The following UBE2E2 variants were observed in gnomAD, a reference collection of about 807,000 sequenced individuals.
The protein encoded by UBE2E2 is ubiquitin-conjugating enzyme E2 E2.
Under a neutral mutation model 24.7 loss-of-function variants are expected in UBE2E2, and 6 were observed. That is an observed-to-expected ratio of 0.24 (90% CI 0.13 to 0.48). The LOEUF is 0.48. Ranked by LOEUF, UBE2E2 falls within the 20% of genes least tolerant of loss-of-function variation. The pLI is 0.99. For synonymous variants in UBE2E2, 104 were observed against 83.6 expected (o/e 1.24, Z -1.33); for missense variants, 169 against 245.0 (o/e 0.69, Z 2.07).
chr3:23,428,746 G>A (rs1275689257), intron 3 of UBE2E2, among the ~76,000 whole-genome samples: 1 of 152,048 alleles, frequency 6.6e-6, no homozygotes, highest in South Asian at 2.1e-4. Flanking sequence ...GGCAGAAGCA[G>A]GAGGATTGTT....
At chr3:23,448,989 A>T (rs1454910254) in intron 3 of UBE2E2, among the ~76,000 whole-genome samples, 1 of 152,238 alleles carries the variant, frequency 6.6e-6, no homozygotes, top group Non-Finnish European at 1.5e-5. Context: ...GCTTTTAGAA[A>T]TGTAATATCC....
At chr3:23,216,483 A>G (rs549231730) in intron 2 of UBE2E2, among the ~76,000 whole-genome samples, 1 of 152,282 alleles carries the variant, frequency 6.6e-6, no homozygotes, top group East Asian at 1.9e-4. Flanking sequence ...AAGGAGAAGA[A>G]ACGGTTTTGA....
At chr3:23,579,886 A>T (rs1020986608) in intron 5 of UBE2E2, among the ~76,000 whole-genome samples, 1 of 152,178 alleles carries the variant, frequency 6.6e-6, no homozygotes, top group South Asian at 2.1e-4. Flanking sequence ...AGAGTTTTGA[A>T]CAAGTTGATT....
intron 3 of UBE2E2, among the ~76,000 whole-genome samples, chr3:23,224,911 G>A (rs957457678): frequency 6.7e-6 from 1 of 149,910 alleles, no homozygotes; most frequent in African/African-American, 2.5e-5. Context: ...TGCCAGCAGT[G>A]TATGAGGGCC....
chr3:23,372,090 C>T (rs1252796722), intron 3 of UBE2E2, among the ~76,000 whole-genome samples: 2 of 152,022 alleles, frequency 1.3e-5, no homozygotes, highest in African/African-American at 4.8e-5. Context: ...TGCACTCCAG[C>T]CTGGGTTACG....
At chr3:23,439,559 A>G (rs56841166) in intron 3 of UBE2E2, among the ~76,000 whole-genome samples, 134 of 152,348 alleles carry the variant, frequency 8.8e-4, no homozygotes, top group African/African-American at 2.9e-3. Flanking sequence ...CAAAGAGATT[A>G]TGAGAGAGAA....
intron 3 of UBE2E2, among the ~76,000 whole-genome samples, chr3:23,381,920 G>A (rs983260855): frequency 6.6e-6 from 1 of 152,154 alleles, no homozygotes; most frequent in African/African-American, 2.4e-5. Flanking sequence ...GTGGGAGGCG[G>A]AATGGCTGCT....
chr3:23,290,233 G>C (rs1180109157), intron 3 of UBE2E2, among the ~76,000 whole-genome samples: 1 of 152,214 alleles, frequency 6.6e-6, no homozygotes, highest in Non-Finnish European at 1.5e-5. Context: ...TACCTTGTTA[G>C]GTCAGTAAAG....
At chr3:23,566,626 A>T (rs529397140) in intron 5 of UBE2E2, among the ~76,000 whole-genome samples, 26 of 152,290 alleles carry the variant, frequency 1.7e-4, no homozygotes, top group Non-Finnish European at 3.8e-4. Flanking sequence ...GGCAAGTCAC[A>T]TGGTGAGAGA....
intron 3 of UBE2E2, among the ~76,000 whole-genome samples, chr3:23,260,748 GC>G (rs1345741937): frequency 6.6e-6 from 1 of 152,134 alleles, no homozygotes; most frequent in African/African-American, 2.4e-5. Flanking sequence ...AGCTGTGTTT[GC>G]ACCTTGGCAG....
chr3:23,512,182 C>T (rs899254524), intron 4 of UBE2E2, among the ~76,000 whole-genome samples: 12 of 145,784 alleles, frequency 8.2e-5, no homozygotes, highest in African/African-American at 1.8e-4. Flanking sequence ...GCCTTTCTTT[C>T]CTGCCTGCCT....
At chr3:23,446,700 T>TTTG (rs949703646) in intron 3 of UBE2E2, among the ~76,000 whole-genome samples, 1 of 30,444 alleles carries the variant, frequency 3.3e-5, no homozygotes, top group African/African-American at 3.2e-4. Context: ...GTCTGTTTGG[T>TTTG]TTTTTTTTTT....
intron 3 of UBE2E2, among the ~76,000 whole-genome samples, chr3:23,223,950 G>A (rs1437257300): frequency 3.3e-5 from 5 of 152,062 alleles, no homozygotes; most frequent in Admixed American, 3.3e-4. Flanking sequence ...AAGATAAGGT[G>A]GCTGTAAATG....
At chr3:23,308,384 T>G (rs1187204728) in intron 3 of UBE2E2, among the ~76,000 whole-genome samples, 2 of 152,196 alleles carry the variant, frequency 1.3e-5, no homozygotes, top group African/African-American at 4.8e-5. Flanking sequence ...ATCATTATCC[T>G]TCATTGCGAA....
At chr3:23,494,360 G>A (rs1373847587) in intron 3 of UBE2E2, among the ~76,000 whole-genome samples, 1 of 152,052 alleles carries the variant, frequency 6.6e-6, no homozygotes, top group Non-Finnish European at 1.5e-5. Flanking sequence ...ACATGTAGTT[G>A]TTCATTAATA....
Position 23,281,555 on chromosome 3 carries a change from C to A in UBE2E2, c.227+64243C>A, listed in dbSNP as rs111911351. On this transcript the variant is annotated intron_variant, in intron 3 of 5. Coordinates refer to ENST00000396703, the MANE Select transcript of UBE2E2 (RefSeq NM_152653.4). ...TGAGAGGCTGAGGTGGGAGGATTGC[C>A]TGAGCCCAGGAGTTGTAGGCTGCAG... is the stretch of plus-strand genomic sequence containing the variant. Among the ~76,000 whole-genome samples the A allele has an allele frequency of 3.6e-3, 543 of 152,260 alleles. 3 individuals carry two copies. Among genetic ancestry groups the A allele is most frequent in the Middle Eastern group, 0.014 (4 of 294 alleles).
At chr3:23,588,915 G>A (rs1026063760) in intron 5 of UBE2E2, among the ~76,000 whole-genome samples, 8 of 152,108 alleles carry the variant, frequency 5.3e-5, no homozygotes, top group African/African-American at 1.9e-4. Context: ...ACCAAATTTT[G>A]AGGAAGAAGT....
intron 3 of UBE2E2, among the ~76,000 whole-genome samples, chr3:23,313,519 G>A (rs1373027395): frequency 6.6e-6 from 1 of 151,010 alleles, no homozygotes; most frequent in Non-Finnish European, 1.5e-5. Flanking sequence ...TGAGTAGCTG[G>A]GATTACAGGC....
chr3:23,552,000 G>A (rs1003814341), intron 5 of UBE2E2, among the ~76,000 whole-genome samples: 5 of 152,148 alleles, frequency 3.3e-5, no homozygotes, highest in African/African-American at 1.2e-4. Flanking sequence ...CTGTCTTTCT[G>A]CCTTGTGAGG....
Sources: gnomAD v4.1 joint callset for allele counts (sites outside exome capture counted in the v4.1 genomes callset) on GRCh38, gnomAD v4.1.1 for gene constraint, MANE v1.5 for transcripts, NCBI Gene and HGNC (gene_info 2026-07-23, HGNC 2026-07-21) for gene names.